The following DNAH8 variants were observed in gnomAD, a reference collection of about 807,000 sequenced individuals.
The protein encoded by DNAH8 is axonemal beta dynein heavy chain 8.
In DNAH8, 382 loss-of-function variants were observed where a neutral mutation model predicts 562.1. The ratio of observed to expected loss-of-function variants is 0.68; its 90% CI spans 0.63 to 0.74. The LOEUF (loss-of-function observed/expected upper bound fraction) is 0.74. Among genes scored for constraint, DNAH8 ranks in the 30% least tolerant of loss-of-function variants. The pLI is 0.00. For missense variants in DNAH8, 5,203 were observed against 5,620.4 expected (o/e 0.93, Z 2.37); for synonymous variants, 1,881 against 1,919.4 (o/e 0.98, Z 0.52).
At chr6:38,895,165 C>G (rs923526122) in intron 59 of DNAH8, among the ~76,000 whole-genome samples, 2 of 152,108 alleles carry the variant, frequency 1.3e-5, no homozygotes, top group Non-Finnish European at 2.9e-5. Context: ...TCTTGAACTC[C>G]TGACCTCAGG....
At position 38,870,432 on chromosome 6, in the gene DNAH8, TAATC is replaced by T; in HGVS notation, c.6864_6867del (p.Ile2288MetfsTer21). ...GAAGATGAACCCCTGTTCCTCAGCT[TAATC>T]AATGACCTGTTCCCAGGACTGCAAC... On this transcript the variant is annotated frameshift_variant, in exon 49 of 93. Coordinates refer to ENST00000327475, the MANE Select transcript of DNAH8 (RefSeq NM_001206927.2). LOFTEE classifies it high-confidence loss of function. 1 of 1,613,970 alleles carries T rather than the reference TAATC, an allele frequency of 6.2e-7. No individual in the cohort carries two copies. Among genetic ancestry groups the T allele is most frequent in the Non-Finnish European group, 8.5e-7 (1 of 1,179,880 alleles).
intron 58 of DNAH8, among the ~76,000 whole-genome samples, chr6:38,893,130 C>G: frequency 6.6e-6 from 1 of 152,210 alleles, no homozygotes; most frequent in East Asian, 1.9e-4. Context: ...CTGTTTACCA[C>G]TGTGTCTTCT....
chr6:38,722,018 T>A (rs979231365), intron 1 of DNAH8, among the ~76,000 whole-genome samples: 4 of 152,210 alleles, frequency 2.6e-5, no homozygotes, highest in Admixed American at 6.5e-5. Flanking sequence ...ACAATATGGT[T>A]TTTGTCTGTA....
rs1408523684 is a variant in DNAH8, at chr6:38,823,067, TTTTG to T, written c.3720+39_3720+42del. ...TCTGCTACTTGTGATGTTGTTTGGG[TTTTG>T]TTTGTCTCTAATTCTTGAGGGTGGA... On this transcript the variant is annotated intron_variant, in intron 27 of 92. Transcript: ENST00000327475. 7.9e-6 allele frequency: 12 copies of T among 1,527,598 alleles called. No homozygotes were observed. The African/African-American group carries it at 1.3e-4, about 16-fold the overall frequency. 94.6% of individuals were successfully genotyped at this position (1,527,598 alleles called of 1,614,324 possible).
chr6:38,904,315 C>G (rs1348229902), intron 62 of DNAH8, among the ~76,000 whole-genome samples: 2 of 151,996 alleles, frequency 1.3e-5, no homozygotes, highest in Non-Finnish European at 2.9e-5. Flanking sequence ...AGAGAGGAAC[C>G]TTTTGTGGTC....
At chr6:39,007,970 C>CTCAAATGTCCAGGTAGCTGG (rs1765905851) in intron 88 of DNAH8, among the ~76,000 whole-genome samples, 1 of 117,528 alleles carries the variant, frequency 8.5e-6, no homozygotes. Context: ...CACATTTCTA[C>CTCAAATGTCCAGGTAGCTGG]TCAAATGTCC....
intron 26 of DNAH8, among the ~76,000 whole-genome samples, chr6:38,818,536 G>GAAAAAAAAAAAAAAA (rs1562891460): frequency 5.8e-5 from 1 of 17,206 alleles, no homozygotes; most frequent in Non-Finnish European, 1.1e-4. Flanking sequence ...AAAAGCAAAA[G>GAAAAAAAAAAAAAAA]CAAAAAAAAA....
intron 3 of DNAH8, among the ~76,000 whole-genome samples, 162 bp from the exon 4 acceptor site, chr6:38,729,740 A>G (rs1208094371): frequency 6.6e-6 from 1 of 152,226 alleles, no homozygotes; most frequent in South Asian, 2.1e-4. Flanking sequence ...TAATTCAACC[A>G]TTACTATATT....
At chr6:38,990,505 T>G (rs1303761368) in intron 88 of DNAH8, among the ~76,000 whole-genome samples, 1 of 152,236 alleles carries the variant, frequency 6.6e-6, no homozygotes, top group Admixed American at 6.5e-5. Context: ...TCCTCATCTC[T>G]TTCTTCAAAA....
At chr6:38,811,115 T>C (rs1771754472) in intron 24 of DNAH8, among the ~76,000 whole-genome samples, 1 of 152,236 alleles carries the variant, frequency 6.6e-6, no homozygotes, top group Non-Finnish European at 1.5e-5. Context: ...CAGAGTGCAC[T>C]TTCTATTTGA....
At chr6:38,715,925 A>AATAAATAAATAT (rs1453678814) in intron 1 of DNAH8, among the ~76,000 whole-genome samples, 1 of 36,890 alleles carries the variant, frequency 2.7e-5, no homozygotes, top group Non-Finnish European at 4.7e-5. Context: ...TAAATAAATA[A>AATAAATAAATAT]ATATATATAT....
In DNAH8 at chr6:38,938,809, C is replaced by A; in HGVS notation, c.11828C>A (p.Ser3943Ter). The change falls in exon 79 of 93, where the codon TCA becomes TAA. Residue 3943 changes from serine (S) to a stop codon, truncating the protein, a stop_gained. Transcript: ENST00000327475. LOFTEE classifies it high-confidence loss of function. The stretch of plus-strand genomic sequence containing the variant: ...AAAATGTGTTTCAGATCTGAAAAGT[C>A]ACCACTACCTCAAAAGAGAATTACA... ...FDQSMARSEK[S>*]PLPQKRITNI... The A allele has an allele frequency of 6.3e-7, 1 of 1,599,758 alleles. No individual in the cohort carries two copies. Among genetic ancestry groups the A allele is most frequent in the South Asian group, 1.1e-5 (1 of 89,006 alleles).
chr6:38,827,941 A>G (rs1490487186), intron 29 of DNAH8, among the ~76,000 whole-genome samples: 1 of 151,920 alleles, frequency 6.6e-6, no homozygotes, highest in Non-Finnish European at 1.5e-5. Flanking sequence ...AAAGAGACAT[A>G]TACATCTCCA....
chr6:38,872,446 T>C, intron 49 of DNAH8, 90 bp from the exon 50 acceptor site: 9 of 1,401,232 alleles, frequency 6.4e-6, no homozygotes, highest in Non-Finnish European at 8.8e-6. Flanking sequence ...ATGAAGAGCT[T>C]ATTAAAGCCT....
At chr6:38,761,892 A>G (rs566310728) in intron 11 of DNAH8, 89 bp downstream of exon 11, 6 of 678,612 alleles carry the variant, frequency 8.8e-6, no homozygotes, top group Admixed American at 3.2e-5. Context: ...ATGTTAACTG[A>G]AAAAACTTCC....
At chr6:38,951,230 G>A in intron 81 of DNAH8, 88 bp from the exon 82 acceptor site, 2 of 1,145,632 alleles carry the variant, frequency 1.7e-6, no homozygotes, top group South Asian at 1.4e-5. Flanking sequence ...TTGCCCTTTT[G>A]CTAATTAAAT....
chr6:38,717,732 T>C (rs1762449422), intron 1 of DNAH8, among the ~76,000 whole-genome samples: 1 of 152,058 alleles, frequency 6.6e-6, no homozygotes, highest in Admixed American at 6.6e-5. Context: ...TCAGAGTGAT[T>C]CTTATTAATA....
intron 69 of DNAH8, 118 bp downstream of exon 69, chr6:38,917,524 T>C: frequency 1.2e-6 from 1 of 852,242 alleles, no homozygotes; most frequent in Non-Finnish European, 1.8e-6. Flanking sequence ...TATTGAAAAG[T>C]TTATCTTAAA....
intron 85 of DNAH8, among the ~76,000 whole-genome samples, chr6:38,981,181 T>TA (rs1764010639): frequency 6.6e-6 from 1 of 152,092 alleles, no homozygotes; most frequent in Admixed American, 6.6e-5. Flanking sequence ...GTCCTCACCT[T>TA]AGGCACTAGA....
Sources: gnomAD v4.1 joint callset for allele counts (sites outside exome capture counted in the v4.1 genomes callset) on GRCh38, gnomAD v4.1.1 for gene constraint, MANE v1.5 for transcripts, NCBI Gene and HGNC (gene_info 2026-07-23, HGNC 2026-07-21) for gene names.